The following VPS13D variants were observed in gnomAD, a reference collection of about 807,000 sequenced individuals.
VPS13D encodes the protein vacuolar protein sorting 13 homolog D, also known as intermembrane lipid transfer protein VPS13D.
Under a neutral mutation model 461.9 loss-of-function variants are expected in VPS13D, and 187 were observed. The ratio of observed to expected loss-of-function variants is 0.40; its 90% CI spans 0.36 to 0.46. VPS13D has a LOEUF of 0.46. Ranked by LOEUF, VPS13D falls within the 20% of genes least tolerant of loss-of-function variation. The pLI, the probability that VPS13D is intolerant of heterozygous loss-of-function variation, is 0.60. For missense variants in VPS13D, 4,711 were observed against 5,364.9 expected (o/e 0.88, Z 3.81); for synonymous variants, 1,951 against 1,986.3 (o/e 0.98, Z 0.47).
At chr1:12,478,566 A>G in intron 67 of VPS13D, 1 of 345,720 alleles carries the variant, frequency 2.9e-6, no homozygotes, top group Non-Finnish European at 5.7e-6. Flanking sequence ...ACTGCATGTA[A>G]TAGAACCAGC....
At chr1:12,273,572 C>T (rs1641517446) in intron 18 of VPS13D, among the ~76,000 whole-genome samples, 1 of 152,154 alleles carries the variant, frequency 6.6e-6, no homozygotes, top group Non-Finnish European at 1.5e-5. Context: ...CCTTCTCGCT[C>T]CCCATCCCCT....
At chr1:12,282,320 G>A (rs1337897971) in intron 20 of VPS13D, among the ~76,000 whole-genome samples, 1 of 152,202 alleles carries the variant, frequency 6.6e-6, no homozygotes, top group Non-Finnish European at 1.5e-5. Flanking sequence ...ACTCTAACTG[G>A]TGATGATCAG....
rs1646044364 is a variant in VPS13D, at chr1:12,502,198, G to A, written c.12794+4567G>A. Among the ~76,000 whole-genome samples, 1 of 152,198 alleles carries A rather than the reference G, an allele frequency of 6.6e-6. No homozygotes were observed. The highest frequency in any genetic ancestry group is 2.4e-5 in the African/African-American group (1 of 41,444). On this transcript the variant is annotated intron_variant, in intron 68 of 69. Transcript: ENST00000620676. The surrounding 1 kb of genome is among the most constrained non-coding windows in gnomAD (Gnocchi z 4.3). ...TAGAGAGACTGAAGGCAGGAAGCCAGTTAGGAGGCCCGTGGGATAGTCCAG... is the reference window on the plus strand; with the variant it reads ...TAGAGAGACTGAAGGCAGGAAGCCAATTAGGAGGCCCGTGGGATAGTCCAG...
chr1:12,433,125 T>G (rs1016641424), intron 65 of VPS13D, among the ~76,000 whole-genome samples: 2 of 152,194 alleles, frequency 1.3e-5, no homozygotes, highest in Non-Finnish European at 2.9e-5. Flanking sequence ...ACCCTCTTGT[T>G]CTGGAGGTGC....
At chr1:12,322,777 C>A in intron 34 of VPS13D, 31 bp downstream of exon 34, 1 of 1,597,182 alleles carries the variant, frequency 6.3e-7, no homozygotes, top group South Asian at 1.1e-5. Context: ...CCCACTCAGT[C>A]TTGCTAATAA....
chr1:12,470,238 A>G (rs1645544777), intron 67 of VPS13D, among the ~76,000 whole-genome samples: 1 of 152,240 alleles, frequency 6.6e-6, no homozygotes, highest in East Asian at 1.9e-4. Flanking sequence ...TATGGGTCAC[A>G]GGAATCCTGG....
chr1:12,276,881 G>C lies in VPS13D; in HGVS notation c.3293G>C (p.Ser1098Thr), dbSNP rs1192409162. ...SSECPSMNLD[S>T]TLQVISLQVN... Reference sequence around the variant, plus strand: ...GAGTGCCCATCGATGAATTTAGACAGTACTCTTCAGGTGATTTCCCTACAG... The same window carrying C: ...GAGTGCCCATCGATGAATTTAGACACTACTCTTCAGGTGATTTCCCTACAG... Residue 1098 changes from serine (S) to threonine (T), a missense_variant, in exon 19 of 70, where the codon AGT becomes ACT. Physicochemically the swap from Ser to Thr is moderately conservative, Grantham distance 58. Coordinates refer to ENST00000620676, the MANE Select transcript of VPS13D (RefSeq NM_015378.4). The surrounding 1 kb of genome is among the most constrained non-coding windows in gnomAD (Gnocchi z 4.5). 1 of 1,614,170 alleles carries C rather than the reference G, an allele frequency of 6.2e-7. No homozygotes were observed. The highest frequency in any genetic ancestry group is 1.1e-5 in the South Asian group (1 of 91,076).
chr1:12,270,906 G>A (rs1641421227), intron 16 of VPS13D, 88 bp from the exon 17 acceptor site: 6 of 1,500,934 alleles, frequency 4.0e-6, no homozygotes, highest in Admixed American at 2.0e-5. Context: ...AAGCTTTGAT[G>A]GACATTCTTG....
intron 26 of VPS13D, among the ~76,000 whole-genome samples, chr1:12,305,962 A>C (rs1642551259): frequency 6.6e-6 from 1 of 151,444 alleles, no homozygotes; most frequent in African/African-American, 2.4e-5. Context: ...CAGGGTTTTT[A>C]TTTTTCTATT....
rs1360748993 is a variant in VPS13D, at chr1:12,310,857, T to TTCCTTCCCTCCTTCCCTCCTTCCC, written c.6651-561_6651-538dup. 1.0e-3 allele frequency among the ~76,000 whole-genome samples: 73 copies of TTCCTTCCCTCCTTCCCTCCTTCCC among 71,934 alleles called. 1 individual carries two copies. The highest frequency in any genetic ancestry group is 1.8e-3 in the Non-Finnish European group (65 of 37,036). 47.2% of individuals were successfully genotyped at this position (71,934 alleles called of 152,430 possible). Reference sequence around the variant, plus strand: ...CTTCCTTCCCTCCTTCCCTCCTTCCTTCCTTCCCTCCTTCCCTCCTTCCCT... The same window carrying TTCCTTCCCTCCTTCCCTCCTTCCC: ...CTTCCTTCCCTCCTTCCCTCCTTCCTTCCTTCCCTCCTTCCCTCCTTCCCTCCTTCCCTCCTTCCCTCCTTCCCT... On this transcript the variant is annotated intron_variant, in intron 27 of 69. Transcript: ENST00000620676.
At chr1:12,307,197 G>A (rs1642590890) in intron 26 of VPS13D, among the ~76,000 whole-genome samples, 1 of 152,124 alleles carries the variant, frequency 6.6e-6, no homozygotes, top group Non-Finnish European at 1.5e-5. Context: ...TCCTCCTACA[G>A]TGCTACTTAT....
chr1:12,234,106 A>G lies in VPS13D; in HGVS notation c.-76-85A>G, dbSNP rs551301492. 1.2e-5 allele frequency: 7 copies of G among 578,390 alleles called. No homozygotes were observed. The East Asian group carries it at 1.7e-4, about 14-fold the overall frequency. 35.8% of individuals were successfully genotyped at this position (578,390 alleles called of 1,614,324 possible). A position where few individuals can be genotyped will look rare whatever the true frequency, so the allele number is the denominator to read the frequency against. On this transcript the variant is annotated intron_variant, in intron 1 of 69. Coordinates refer to ENST00000620676, the MANE Select transcript of VPS13D (RefSeq NM_015378.4). ...AACAAAACATCTGTGCTTTGCATTCATCTACCTTCAGGCAGGTAGAGGAGG... is the reference window on the plus strand; with the variant it reads ...AACAAAACATCTGTGCTTTGCATTCGTCTACCTTCAGGCAGGTAGAGGAGG...
At position 12,314,194 on chromosome 1, in the gene VPS13D, A is replaced by G. The variant is rs748073304; in HGVS notation, c.7015A>G (p.Met2339Val). 1.2e-6 allele frequency: 2 copies of G among 1,614,186 alleles called. No homozygotes were observed. Among genetic ancestry groups the G allele is most frequent in the South Asian group, 1.1e-5 (1 of 91,084 alleles). ...TKSINLVSHS[M>V]MAFDTRYAGQ... The stretch of plus-strand genomic sequence containing the variant: ...GTCCATTAACTTGGTTTCCCATTCC[A>G]TGATGGCTTTTGACACCCGTTATGC... Residue 2339 changes from methionine (M) to valine (V), a missense_variant, in exon 30 of 70, where the codon ATG becomes GTG. Physicochemically the swap from Met to Val is conservative, Grantham distance 21. Around this residue, in one of 3 missense-constraint regions of VPS13D, gnomAD observed 4,411 missense variants for 4,937.8 expected, o/e 0.89. Coordinates refer to ENST00000620676, the MANE Select transcript of VPS13D (RefSeq NM_015378.4).
At chr1:12,308,361 T>A in intron 26 of VPS13D, 70 bp from the exon 27 acceptor site, 1 of 1,514,504 alleles carries the variant, frequency 6.6e-7, no homozygotes, top group Non-Finnish European at 9.1e-7. Flanking sequence ...TTGCATTTTT[T>A]ATTTGTTTAG....
In VPS13D at chr1:12,268,874, C is replaced by T. The variant is rs1312829928; in HGVS notation, c.1970C>T (p.Ser657Leu). The change falls in exon 16 of 70, where the codon TCA becomes TTA. Residue 657 changes from serine to leucine, a missense_variant and splice_region_variant. By Grantham distance (145) the Ser-to-Leu change is moderately radical (BLOSUM62 -2). Around this residue, in one of 3 missense-constraint regions of VPS13D, gnomAD observed 4,411 missense variants for 4,937.8 expected, o/e 0.89. Transcript: ENST00000620676. ...TTCTACAAGGGAAAGGTTCATACCT[C>T]AGGTTAACTTTTTTGTTTGTTTGAT... The part of the protein sequence containing the change: ...DFFYKGKVHT[S>L]GFGYQSELEL... The T allele has an allele frequency of 4.4e-6, 7 of 1,598,612 alleles. No individual in the cohort carries two copies. Among genetic ancestry groups the T allele is most frequent in the Non-Finnish European group, 6.0e-6 (7 of 1,176,138 alleles).
chr1:12,298,859 G>A lies in VPS13D; in HGVS notation c.6034-343G>A, dbSNP rs542660733. 1.6e-4 allele frequency among the ~76,000 whole-genome samples: 25 copies of A among 151,974 alleles called. 1 individual carries two copies. Among genetic ancestry groups the A allele is most frequent in the Admixed American group, 4.6e-4 (7 of 15,258 alleles). On this transcript the variant is annotated intron_variant, in intron 24 of 69. Transcript: ENST00000620676. ...TAAGTCTTTATTGCTTTCTAAAGTC[G>A]TGGTGTAAATTTCTCTCTAAGCATA... is the stretch of plus-strand genomic sequence containing the variant.
chr1:12,254,515 T>TC (rs1273142197), intron 7 of VPS13D, among the ~76,000 whole-genome samples: 4 of 116,614 alleles, frequency 3.4e-5, no homozygotes, highest in African/African-American at 1.8e-4. Context: ...ATCTCAATCT[T>TC]TTTTTTTTTT....
intron 69 of VPS13D, among the ~76,000 whole-genome samples, chr1:12,508,654 G>A (rs1225674895): frequency 6.7e-6 from 1 of 149,106 alleles, no homozygotes; most frequent in African/African-American, 2.5e-5. Context: ...AGGTTGCAGT[G>A]AACCAAGATT....
At chr1:12,414,031 C>A (rs1489839158) in intron 63 of VPS13D, among the ~76,000 whole-genome samples, 1 of 152,170 alleles carries the variant, frequency 6.6e-6, no homozygotes, top group African/African-American at 2.4e-5. Flanking sequence ...CAGCTGTAAT[C>A]GCAGCACTTT....
Sources: allele counts gnomAD v4.1 joint callset (sites outside exome capture counted in the v4.1 genomes callset), GRCh38; gene constraint gnomAD v4.1.1; regional missense constraint gnomAD v4.1.1; non-coding constraint Gnocchi (gnomAD v3.1); transcripts MANE v1.5; gene names NCBI Gene and HGNC (gene_info 2026-07-23, HGNC 2026-07-21).